The following MOSMO variants were observed in gnomAD, a reference collection of about 807,000 sequenced individuals.
MOSMO encodes the protein modulator of smoothened, also known as modulator of smoothened protein.
Under a neutral mutation model 18.4 loss-of-function variants are expected in MOSMO, and 5 were observed. That is an observed-to-expected ratio of 0.27 (90% CI 0.14 to 0.57). The LOEUF (loss-of-function observed/expected upper bound fraction) is 0.57. Ranked by LOEUF, MOSMO falls within the 20% of genes least tolerant of loss-of-function variation. The pLI is 0.92. For synonymous variants in MOSMO, 82 were observed against 82.3 expected, an observed-to-expected ratio of 1.00 and a Z score of 0.02; for missense variants, 138 against 211.8, an observed-to-expected ratio of 0.65 and a Z score of 2.16.
At chr16:22,037,141 G>T (rs189368656) in intron 1 of MOSMO, among the ~76,000 whole-genome samples, 5 of 152,070 alleles carry the variant, frequency 3.3e-5, no homozygotes, top group Non-Finnish European at 5.9e-5. Context: ...ATGTTGGCTC[G>T]TGCCTATAGT....
chr16:22,041,038 G>A (rs905620907), intron 1 of MOSMO, among the ~76,000 whole-genome samples: 4 of 152,182 alleles, frequency 2.6e-5, no homozygotes, highest in Non-Finnish European at 2.9e-5. Flanking sequence ...AGATAGCTAC[G>A]AATATTACAT....
At chr16:22,052,817 A>G (rs1016868494) in intron 1 of MOSMO, among the ~76,000 whole-genome samples, 19 of 151,854 alleles carry the variant, frequency 1.3e-4, no homozygotes, top group Middle Eastern at 3.4e-3. Context: ...GTTTAGGGGG[A>G]AAAAAAATTG....
intron 1 of MOSMO, among the ~76,000 whole-genome samples, chr16:22,026,712 T>C (rs1183216005): frequency 1.3e-5 from 2 of 152,068 alleles, no homozygotes; most frequent in Non-Finnish European, 2.9e-5. Flanking sequence ...AGAAAGCAAA[T>C]AAAAATAGCA....
intron 2 of MOSMO, among the ~76,000 whole-genome samples, chr16:22,078,218 A>G (rs1032486660): frequency 6.6e-6 from 1 of 152,166 alleles, no homozygotes. Context: ...CATGGAGGAT[A>G]TGAAATTGTG....
chr16:22,013,289 T>G (rs546030714), intron 1 of MOSMO, among the ~76,000 whole-genome samples: 2 of 152,226 alleles, frequency 1.3e-5, no homozygotes, highest in Non-Finnish European at 2.9e-5. Flanking sequence ...GCTGCAAAGA[T>G]TCCATTGAAG....
intron 1 of MOSMO, among the ~76,000 whole-genome samples, chr16:22,008,944 G>A (rs983162618): frequency 6.6e-6 from 1 of 151,878 alleles, no homozygotes; most frequent in Admixed American, 6.6e-5. Flanking sequence ...ACCAGAGGAA[G>A]CTGCGGCCGG....
At chr16:22,077,716 G>A (rs966816197) in intron 2 of MOSMO, among the ~76,000 whole-genome samples, 99 of 151,976 alleles carry the variant, frequency 6.5e-4, no homozygotes, top group Non-Finnish European at 2.4e-4. Flanking sequence ...CAGCCCCACC[G>A]AGGACCTCCT....
rs144900629 is a variant in MOSMO at position 22,043,235 on chromosome 16, T to G, written c.107-32252T>G. ...AGCATGACACATAGAAACTGTATAT[T>G]CTTCATGAGGACAGATAAGCATTAT... On this transcript the variant is annotated intron_variant, in intron 1 of 2. Coordinates refer to ENST00000542527, the MANE Select transcript of MOSMO (RefSeq NM_001164579.2). 4.1e-3 allele frequency among the ~76,000 whole-genome samples: 623 copies of G among 152,324 alleles called. 5 individuals are homozygous for G. Among genetic ancestry groups the G allele is most frequent in the African/African-American group, 0.014 (578 of 41,574 alleles).
intron 1 of MOSMO, among the ~76,000 whole-genome samples, chr16:22,038,731 A>G (rs1900155624): frequency 6.6e-6 from 1 of 152,180 alleles, no homozygotes; most frequent in Non-Finnish European, 1.5e-5. Flanking sequence ...AGAGCCAGCT[A>G]AAAAAACAGA....
chr16:22,046,549 G>A (rs1900312881), intron 1 of MOSMO, among the ~76,000 whole-genome samples: 1 of 152,120 alleles, frequency 6.6e-6, no homozygotes, highest in Non-Finnish European at 1.5e-5. Context: ...TGTAACTCAT[G>A]CCTGAACGAA....
intron 2 of MOSMO, among the ~76,000 whole-genome samples, chr16:22,080,292 T>C (rs906851277): frequency 6.6e-6 from 1 of 152,200 alleles, no homozygotes; most frequent in Non-Finnish European, 1.5e-5. Flanking sequence ...CTTCTAGTAT[T>C]TCCCCCATTT....
chr16:22,031,262 G>A (rs184903237), intron 1 of MOSMO, among the ~76,000 whole-genome samples: 1 of 152,336 alleles, frequency 6.6e-6, no homozygotes, highest in East Asian at 1.9e-4. Flanking sequence ...AACAGGAGGA[G>A]TTTGAGGGAA....
At chr16:22,086,260 A>C (rs747874964), downstream of MOSMO, 2 of 152,218 alleles carry the variant, frequency 1.3e-5, no homozygotes, top group Non-Finnish European at 2.9e-5. Flanking sequence ...TTGTCTACAG[A>C]ATGAAATCCA....
intron 1 of MOSMO, among the ~76,000 whole-genome samples, chr16:22,023,815 G>T (rs564358658): frequency 6.6e-6 from 1 of 151,920 alleles, no homozygotes; most frequent in Admixed American, 6.6e-5. Flanking sequence ...TAGAAAATCC[G>T]TCAACTTATC....
rs1900938058 is a variant in MOSMO, at chr16:22,075,138, A to G, written c.107-349A>G. On this transcript the variant is annotated intron_variant, in intron 1 of 2. Transcript: ENST00000542527. ...ATACCAGTTCTTTCTGCCAGCATGC[A>G]GGCTCAGTGAGGGCAGGAACCTCAT... is the stretch of plus-strand genomic sequence containing the variant. Among the ~76,000 whole-genome samples the G allele has an allele frequency of 2.0e-5, 3 of 152,314 alleles. No individual in the cohort carries two copies. In the East Asian group the frequency reaches 5.8e-4, roughly 29 times the overall value.
chr16:22,064,454 T>G (rs1222947089), intron 1 of MOSMO: 2 of 455,624 alleles, frequency 4.4e-6, no homozygotes, highest in Non-Finnish European at 8.8e-6. Flanking sequence ...TATCCTTGAA[T>G]GGAATTCTTC....
intron 1 of MOSMO, among the ~76,000 whole-genome samples, chr16:22,069,945 A>G (rs1235012508): frequency 6.6e-6 from 1 of 152,180 alleles, no homozygotes; most frequent in East Asian, 1.9e-4. Flanking sequence ...GAAAAGAGAA[A>G]ATAATGTATT....
At chr16:22,026,228 T>TC in intron 1 of MOSMO, among the ~76,000 whole-genome samples, 1 of 149,946 alleles carries the variant, frequency 6.7e-6, no homozygotes, top group East Asian at 1.9e-4. Flanking sequence ...TTTTTTTTTT[T>TC]TTTTTTTGGA....
downstream of MOSMO, chr16:22,086,155 C>G (rs1045902025): frequency 4.6e-5 from 7 of 152,218 alleles, no homozygotes; most frequent in African/African-American, 1.7e-4. Context: ...CAACTGGTCT[C>G]CATTCACTCT....
Sources: gnomAD v4.1 joint callset for allele counts (sites outside exome capture counted in the v4.1 genomes callset) on GRCh38, gnomAD v4.1.1 for gene constraint, MANE v1.5 for transcripts, NCBI Gene and HGNC (gene_info 2026-07-23, HGNC 2026-07-21) for gene names.